NEGR1: variants seen among roughly 807,000 people sequenced by gnomAD.
The protein encoded by NEGR1 is neuronal growth regulator 1, also known as IgLON family member 4.
In NEGR1, 10 loss-of-function variants were observed where a neutral mutation model predicts 40.9. That is an observed-to-expected ratio of 0.24 (90% CI 0.15 to 0.42). NEGR1 has a LOEUF of 0.42. Among genes scored for constraint, NEGR1 ranks in the 10% least tolerant of loss-of-function variants. The pLI is 1.00. For missense variants in NEGR1, 352 were observed against 438.9 expected (o/e 0.80, Z 1.77); for synonymous variants, 185 against 166.8 (o/e 1.11, Z -0.84).
chr1:72,262,651 G>A (rs947023100), intron 1 of NEGR1, among the ~76,000 whole-genome samples: 1 of 151,632 alleles, frequency 6.6e-6, no homozygotes, highest in Non-Finnish European at 1.5e-5. Context: ...AAAGCAAAGA[G>A]GTTTATAAAT....
chr1:71,657,720 G>T (rs1651921758), intron 4 of NEGR1, among the ~76,000 whole-genome samples: 1 of 152,138 alleles, frequency 6.6e-6, no homozygotes, highest in Non-Finnish European at 1.5e-5. Flanking sequence ...AGTTTTGATG[G>T]TTTGATCCTC....
chr1:71,842,946 T>A (rs897493594), intron 2 of NEGR1, among the ~76,000 whole-genome samples: 1 of 152,216 alleles, frequency 6.6e-6, no homozygotes, highest in Non-Finnish European at 1.5e-5. Context: ...TAGAGGATTA[T>A]AACACTTTCC....
intron 1 of NEGR1, among the ~76,000 whole-genome samples, chr1:72,227,514 A>G (rs1570147377): frequency 6.6e-6 from 1 of 152,084 alleles, no homozygotes; most frequent in East Asian, 1.9e-4. Context: ...AAAACAGCAG[A>G]CGGTGAGGAG....
intron 3 of NEGR1, among the ~76,000 whole-genome samples, chr1:71,752,043 A>C (rs1655586954): frequency 6.6e-6 from 1 of 152,212 alleles, no homozygotes; most frequent in Non-Finnish European, 1.5e-5. Context: ...AAAATGTAGA[A>C]ACATTTCTCT....
intron 1 of NEGR1, among the ~76,000 whole-genome samples, chr1:71,985,798 T>C (rs901863687): frequency 6.6e-6 from 1 of 152,202 alleles, no homozygotes; most frequent in Non-Finnish European, 1.5e-5. Flanking sequence ...TCCCGACATC[T>C]AGAAAATTAG....
intron 1 of NEGR1, among the ~76,000 whole-genome samples, chr1:72,017,810 A>C (rs1646724575): frequency 6.6e-6 from 1 of 152,098 alleles, no homozygotes; most frequent in Non-Finnish European, 1.5e-5. Flanking sequence ...GAATTAAAGG[A>C]GAAGGATTCT....
chr1:72,184,004 T>A (rs1458536995), intron 1 of NEGR1, among the ~76,000 whole-genome samples: 3 of 152,030 alleles, frequency 2.0e-5, no homozygotes, highest in South Asian at 4.1e-4. Context: ...ATCCAACAAG[T>A]TTAACTTATT....
intron 1 of NEGR1, among the ~76,000 whole-genome samples, chr1:72,187,747 A>T (rs1652664109): frequency 6.6e-6 from 1 of 151,468 alleles, no homozygotes; most frequent in South Asian, 2.1e-4. Context: ...GAAGAGTCCT[A>T]TATTGATGCA....
intron 2 of NEGR1, among the ~76,000 whole-genome samples, chr1:71,837,679 TTC>T (rs1659088677): frequency 6.6e-6 from 1 of 152,086 alleles, no homozygotes; most frequent in African/African-American, 2.4e-5. Context: ...ACATGAAATG[TTC>T]TTTTAATATT....
At chr1:72,277,408 C>G (rs1409100938) in intron 1 of NEGR1, among the ~76,000 whole-genome samples, 1 of 152,182 alleles carries the variant, frequency 6.6e-6, no homozygotes, top group Non-Finnish European at 1.5e-5. Flanking sequence ...CTATTTAAAA[C>G]AAGTAGTGCA....
At chr1:72,107,544 A>G (rs544330840) in intron 1 of NEGR1, among the ~76,000 whole-genome samples, 1 of 151,672 alleles carries the variant, frequency 6.6e-6, no homozygotes, top group African/African-American at 2.4e-5. Flanking sequence ...GATTTTTTTT[A>G]GGCAAAAAGA....
intron 1 of NEGR1, among the ~76,000 whole-genome samples, chr1:72,161,844 TTTTTGTTTTG>T (rs1184800983): frequency 6.6e-6 from 1 of 151,426 alleles, no homozygotes; most frequent in Non-Finnish European, 1.5e-5. Context: ...GCCTGGCTAA[TTTTTGTTTTG>T]TTTTGTTTTG....
chr1:71,482,070 A>G (rs1646857503), intron 6 of NEGR1, among the ~76,000 whole-genome samples: 1 of 151,808 alleles, frequency 6.6e-6, no homozygotes, highest in African/African-American at 2.4e-5. Context: ...AGGTCTTTTG[A>G]TATTGATGAA....
At chr1:72,190,902 C>T (rs543832847) in intron 1 of NEGR1, among the ~76,000 whole-genome samples, 1 of 151,518 alleles carries the variant, frequency 6.6e-6, no homozygotes, top group Non-Finnish European at 1.5e-5. Context: ...AGAACTTCAA[C>T]CCATTAACTA....
At chr1:72,018,120 A>G (rs899285522) in intron 1 of NEGR1, among the ~76,000 whole-genome samples, 1 of 152,208 alleles carries the variant, frequency 6.6e-6, no homozygotes, top group African/African-American at 2.4e-5. Flanking sequence ...TATAGGGATT[A>G]CAGAATTACA....
At chr1:71,980,214 C>T (rs2100337296) in intron 1 of NEGR1, among the ~76,000 whole-genome samples, 1 of 152,186 alleles carries the variant, frequency 6.6e-6, no homozygotes, top group African/African-American at 2.4e-5. Flanking sequence ...TAATCTTTGA[C>T]TTTTAAACTA....
At chr1:71,800,718 C>T (rs375997911) in intron 2 of NEGR1, among the ~76,000 whole-genome samples, 1 of 152,128 alleles carries the variant, frequency 6.6e-6, no homozygotes, top group African/African-American at 2.4e-5. Flanking sequence ...TCCACTTGAG[C>T]ACTAAGTCCA....
chr1:71,561,747 C>G (rs1322237964), intron 6 of NEGR1, among the ~76,000 whole-genome samples: 1 of 151,488 alleles, frequency 6.6e-6, no homozygotes, highest in East Asian at 1.9e-4. Context: ...TGTTGAGTTC[C>G]AGAGTTTTTG....
chr1:71,763,595 A>C (rs1656019976), intron 3 of NEGR1, among the ~76,000 whole-genome samples: 1 of 152,188 alleles, frequency 6.6e-6, no homozygotes, highest in African/African-American at 2.4e-5. Flanking sequence ...AAGTATGTGA[A>C]AATACCTCTC....
Sources: allele counts gnomAD v4.1 joint callset (sites outside exome capture counted in the v4.1 genomes callset), GRCh38; gene constraint gnomAD v4.1.1; transcripts MANE v1.5; gene names NCBI Gene and HGNC (gene_info 2026-07-23, HGNC 2026-07-21).